The following SLC39A12 variants were observed in gnomAD, a reference collection of about 807,000 sequenced individuals.
SLC39A12 encodes zinc transporter ZIP12.
A neutral mutation model predicts 71.1 loss-of-function variants in SLC39A12; 63 were observed. The ratio of observed to expected loss-of-function variants is 0.89; its 90% CI spans 0.72 to 1.09. The LOEUF is 1.09. Ranked by LOEUF, SLC39A12 falls within the 50% of genes least tolerant of loss-of-function variation. The pLI is 0.00. For synonymous variants in SLC39A12, 351 were observed against 301.3 expected, an observed-to-expected ratio of 1.16 and a Z score of -1.71; for missense variants, 892 against 812.6, an observed-to-expected ratio of 1.10 and a Z score of -1.19.
chr10:17,952,471 TTTTTTC>T (rs1834425985), intron 1 of SLC39A12, among the ~76,000 whole-genome samples: 1 of 138,142 alleles, frequency 7.2e-6, no homozygotes, highest in Non-Finnish European at 1.5e-5. Context: ...AAAACTCTTT[TTTTTTC>T]TTTTTTCTTT....
intron 12 of SLC39A12, chr10:18,009,533 A>G (rs1387797877): frequency 6.6e-6 from 1 of 152,244 alleles, no homozygotes; most frequent in Non-Finnish European, 1.5e-5. Context: ...GATGCTCTTT[A>G]AAAACTTCAT....
Position 17,961,700 on chromosome 10 carries a change from G to C in SLC39A12, c.381G>C (p.Glu127Asp). Residue 127 changes from glutamate to aspartate, a missense_variant, in exon 3 of 13, where the codon GAG (glutamate) becomes GAC (aspartate). Physicochemically the swap from Glu to Asp is conservative, Grantham distance 45 (BLOSUM62 2). Coordinates refer to ENST00000377369, the MANE Select transcript of SLC39A12 (RefSeq NM_001145195.2). ...TCTATTACATTATTCATCAGGAAGAGATCTGTTCTTCAAAGCTCAACATGA... is the reference window on the plus strand; with the variant it reads ...TCTATTACATTATTCATCAGGAAGACATCTGTTCTTCAAAGCTCAACATGA... ...LLLYYIIHQE[E>D]ICSSKLNMSN... The C allele has an allele frequency of 6.2e-7, 1 of 1,614,090 alleles. No individual in the cohort carries two copies. Among genetic ancestry groups the C allele is most frequent in the Non-Finnish European group, 8.5e-7 (1 of 1,179,946 alleles).
intron 3 of SLC39A12, among the ~76,000 whole-genome samples, chr10:17,965,090 C>T (rs1429683199): frequency 1.3e-5 from 2 of 151,986 alleles, no homozygotes; most frequent in Non-Finnish European, 2.9e-5. Flanking sequence ...ACCTGTAATC[C>T]CAGCTACTCA....
chr10:17,991,454 A>C, intron 8 of SLC39A12, 151 bp downstream of exon 8: 1 of 546,776 alleles, frequency 1.8e-6, no homozygotes, highest in Non-Finnish European at 3.0e-6. Context: ...GCTCCTTCTA[A>C]TAGGATATTA....
chr10:18,011,228 T>G (rs775528249), intron 12 of SLC39A12, among the ~76,000 whole-genome samples: 5 of 152,066 alleles, frequency 3.3e-5, no homozygotes, highest in Non-Finnish European at 5.9e-5. Context: ...TAGCTGGGAT[T>G]GCAAACATGT....
intron 7 of SLC39A12, among the ~76,000 whole-genome samples, chr10:17,988,206 G>T (rs529606741): frequency 2.0e-5 from 3 of 152,202 alleles, no homozygotes; most frequent in Non-Finnish European, 4.4e-5. Context: ...TACTCGGGAG[G>T]CTGAGACAGG....
intron 12 of SLC39A12, among the ~76,000 whole-genome samples, chr10:18,016,159 C>T (rs879421750): frequency 3.3e-5 from 5 of 152,180 alleles, no homozygotes; most frequent in Non-Finnish European, 7.4e-5. Context: ...GGAATAGTTG[C>T]ACTGCCTAAA....
At chr10:18,035,907 G>A (rs976086285) in intron 12 of SLC39A12, among the ~76,000 whole-genome samples, 3 of 152,054 alleles carry the variant, frequency 2.0e-5, no homozygotes, top group African/African-American at 4.8e-5. Flanking sequence ...ATACCCTGCC[G>A]TGTGAGGTGT....
chr10:17,961,989 GT>G (rs1834703753), intron 3 of SLC39A12, 127 bp downstream of exon 3: 1 of 903,336 alleles, frequency 1.1e-6, no homozygotes, highest in African/African-American at 1.7e-5. Context: ...GTGGGTTTTG[GT>G]TATGAGATGT....
intron 7 of SLC39A12, among the ~76,000 whole-genome samples, chr10:17,989,908 C>G (rs1564648538): frequency 6.6e-6 from 1 of 150,934 alleles, no homozygotes; most frequent in African/African-American, 2.4e-5. Context: ...GAGACTCTGT[C>G]TCACGAAAAA....
At chr10:18,039,120 C>G (rs1837148344) in intron 12 of SLC39A12, among the ~76,000 whole-genome samples, 1 of 152,152 alleles carries the variant, frequency 6.6e-6, no homozygotes, top group African/African-American at 2.4e-5. Flanking sequence ...TTACCAAAGA[C>G]TAAGAACAGC....
At chr10:17,967,898 A>ATATATAT (rs1188012149) in intron 4 of SLC39A12, among the ~76,000 whole-genome samples, 1 of 119,746 alleles carries the variant, frequency 8.4e-6, no homozygotes, top group African/African-American at 3.1e-5. Context: ...AAAAAAAAAA[A>ATATATAT]ATATATATAT....
chr10:17,979,353 G>A (rs1835196574), intron 5 of SLC39A12, among the ~76,000 whole-genome samples: 1 of 152,166 alleles, frequency 6.6e-6, no homozygotes, highest in African/African-American at 2.4e-5. Flanking sequence ...CTTACTCTCT[G>A]AGAAGGTATT....
In SLC39A12 at chr10:17,985,945, A is replaced by G. The variant is rs563711757; in HGVS notation, c.1097-1534A>G. The stretch of plus-strand genomic sequence containing the variant: ...AGATTTTTATTATCGACTGTTACAC[A>G]TTCATTGATCAGTTTTCACCAATAA... On this transcript the variant is annotated intron_variant, in intron 6 of 12. Coordinates refer to ENST00000377369, the MANE Select transcript of SLC39A12 (RefSeq NM_001145195.2). Among the ~76,000 whole-genome samples the G allele has an allele frequency of 2.6e-5, 4 of 152,312 alleles. No homozygotes were observed. In the East Asian group the frequency reaches 5.8e-4, roughly 22 times the overall value.
intron 2 of SLC39A12, among the ~76,000 whole-genome samples, chr10:17,960,213 CGTTT>C (rs1446733525): frequency 6.6e-6 from 1 of 152,066 alleles, no homozygotes; most frequent in Non-Finnish European, 1.5e-5. Context: ...TAGTAAAGTT[CGTTT>C]GTATAGGTTC....
intron 2 of SLC39A12, among the ~76,000 whole-genome samples, chr10:17,959,891 T>G (rs1226597336): frequency 1.3e-5 from 2 of 152,170 alleles, no homozygotes; most frequent in South Asian, 4.1e-4. Flanking sequence ...TCTAACATCT[T>G]AAATTCTGTA....
At chr10:17,986,513 C>A (rs1467939910) in intron 6 of SLC39A12, among the ~76,000 whole-genome samples, 1 of 152,040 alleles carries the variant, frequency 6.6e-6, no homozygotes, top group Admixed American at 6.6e-5. Flanking sequence ...TCCCTTTAGC[C>A]CCTGTAAAGA....
At chr10:17,981,017 C>A (rs978181726) in intron 5 of SLC39A12, among the ~76,000 whole-genome samples, 1 of 152,070 alleles carries the variant, frequency 6.6e-6, no homozygotes, top group Non-Finnish European at 1.5e-5. Flanking sequence ...GGTTAGAACA[C>A]CACTCAACAC....
intron 12 of SLC39A12, among the ~76,000 whole-genome samples, chr10:18,036,301 C>T (rs900914581): frequency 1.3e-5 from 2 of 152,166 alleles, no homozygotes; most frequent in Non-Finnish European, 2.9e-5. Flanking sequence ...ATCAGTGAGA[C>T]TCCGTGGGCG....
Sources: gnomAD v4.1 joint callset for allele counts (sites outside exome capture counted in the v4.1 genomes callset) on GRCh38, gnomAD v4.1.1 for gene constraint, MANE v1.5 for transcripts, NCBI Gene and HGNC (gene_info 2026-07-23, HGNC 2026-07-21) for gene names.